The following ABCE1 variants were observed in gnomAD, a reference collection of about 807,000 sequenced individuals.
ABCE1 encodes the protein ATP-binding cassette sub-family E member 1.
In ABCE1, 22 loss-of-function variants were observed where a neutral mutation model predicts 83.4. That is an observed-to-expected ratio of 0.26 (90% confidence interval 0.19 to 0.38). The LOEUF is 0.38. Ranked by LOEUF, ABCE1 falls within the 10% of genes least tolerant of loss-of-function variation. The pLI, the probability that ABCE1 is intolerant of heterozygous loss-of-function variation, is 1.00. For missense variants in ABCE1, 330 were observed against 721.9 expected (o/e 0.46, Z 6.22); for synonymous variants, 204 against 233.7 (o/e 0.87, Z 1.16).
chr4:145,123,372 CCTA>C lies in ABCE1; in HGVS notation c.1517+16_1517+18del. The C allele has an allele frequency of 6.3e-7, 1 of 1,597,230 alleles. No homozygotes were observed. Among genetic ancestry groups the C allele is most frequent in the Non-Finnish European group, 8.5e-7 (1 of 1,169,884 alleles). ...GTTGTCAAACGGTAAATATCTTGCT[CCTA>C]GCCATATTTTGATTATGTATACTGT... On this transcript the variant is annotated intron_variant, in intron 15 of 17. Transcript: ENST00000296577.
intron 17 of ABCE1, among the ~76,000 whole-genome samples, chr4:145,125,759 T>A (rs1749863825): frequency 6.6e-6 from 1 of 152,202 alleles, no homozygotes; most frequent in Non-Finnish European, 1.5e-5. Flanking sequence ...TATTTTTCAA[T>A]ACATGATTAA....
chr4:145,107,448 G>A (rs1299881819), intron 3 of ABCE1, among the ~76,000 whole-genome samples: 1 of 152,086 alleles, frequency 6.6e-6, no homozygotes, highest in Non-Finnish European at 1.5e-5. Flanking sequence ...TTGTTGACTT[G>A]CCTCTTAGCC....
At chr4:145,115,759 G>C (rs1333490032) in intron 9 of ABCE1, among the ~76,000 whole-genome samples, 1 of 151,906 alleles carries the variant, frequency 6.6e-6, no homozygotes, top group African/African-American at 2.4e-5. Context: ...GTTCTGGACA[G>C]TGCTATTTCA....
intron 9 of ABCE1, among the ~76,000 whole-genome samples, chr4:145,113,948 T>C (rs35790990): frequency 4.3e-4 from 66 of 152,266 alleles, no homozygotes; most frequent in African/African-American, 1.5e-3. Flanking sequence ...ATGAGGAAAC[T>C]ATTTACATAT....
intron 3 of ABCE1, among the ~76,000 whole-genome samples, chr4:145,106,668 A>G (rs927179662): frequency 6.6e-6 from 1 of 152,082 alleles, no homozygotes; most frequent in African/African-American, 2.4e-5. Flanking sequence ...GAACACTAAG[A>G]TATTATAATG....
chr4:145,101,869 G>A (rs1749162896), intron 1 of ABCE1, among the ~76,000 whole-genome samples: 1 of 152,228 alleles, frequency 6.6e-6, no homozygotes, highest in Middle Eastern at 3.4e-3. Context: ...GGCAGGAAGG[G>A]TTCAAGAGAG....
At position 145,122,804 on chromosome 4, in the gene ABCE1, C is replaced by G. The variant is rs532496302; in HGVS notation, c.1264-217C>G. The G allele has an allele frequency of 1.8e-4, 76 of 421,006 alleles. No individual in the cohort carries two copies. In the South Asian group the frequency reaches 2.6e-3, roughly 14 times the overall value. The allele number at this position is 421,006 out of a possible 1,614,324, so 26.1% of individuals were successfully genotyped here. A position where few individuals can be genotyped will look rare whatever the true frequency, so the allele number is the denominator to read the frequency against. ...CCTGGGCAATGGAGCAAGACCCTGT[C>G]TCAAAAGAAAAAAAAAAATTCCTTT... On this transcript the variant is annotated intron_variant, in intron 13 of 17. Coordinates refer to ENST00000296577, the MANE Select transcript of ABCE1 (RefSeq NM_002940.3).
intron 2 of ABCE1, among the ~76,000 whole-genome samples, chr4:145,105,291 G>A (rs1053710442): frequency 6.6e-6 from 1 of 151,886 alleles, no homozygotes; most frequent in African/African-American, 2.4e-5. Context: ...AGGTTAATCA[G>A]CTTAAAAATA....
chr4:145,112,233 T>TC lies in ABCE1; in HGVS notation c.711-5dup, dbSNP rs1749499499. The stretch of plus-strand genomic sequence containing the variant: ...TATATTTGCTTTTTTTTTTTTTTTT[T>TC]CATAGTTTCATGTTTGATGAGCCTT... On this transcript the variant is annotated splice_polypyrimidine_tract_variant and splice_region_variant and intron_variant, in intron 8 of 17. Coordinates refer to ENST00000296577, the MANE Select transcript of ABCE1 (RefSeq NM_002940.3). 1 of 1,472,994 alleles carries TC rather than the reference T, an allele frequency of 6.8e-7. No individual in the cohort carries two copies. The highest frequency in any genetic ancestry group is 1.6e-5 in the African/African-American group (1 of 62,922). The allele number at this position is 1,472,994 out of a possible 1,614,324, so 91.2% of individuals were successfully genotyped here.
intron 17 of ABCE1, among the ~76,000 whole-genome samples, chr4:145,126,782 T>C: frequency 6.6e-6 from 1 of 152,324 alleles, no homozygotes. Context: ...GAGGCAAAGT[T>C]ATCTTGCACG....
chr4:145,111,519 G>A (rs894917703), intron 8 of ABCE1, among the ~76,000 whole-genome samples: 2 of 152,000 alleles, frequency 1.3e-5, no homozygotes, highest in African/African-American at 4.8e-5. Flanking sequence ...GTAGAGACGG[G>A]GTTTCACCAT....
chr4:145,099,683 C>T (rs1749069267), intron 1 of ABCE1, among the ~76,000 whole-genome samples: 2 of 152,038 alleles, frequency 1.3e-5, no homozygotes, highest in South Asian at 2.1e-4. Context: ...CTAACTTCTA[C>T]GTGTTTTGTA....
chr4:145,121,317 T>C lies in ABCE1; in HGVS notation c.1205-16T>C. Reference sequence around the variant, plus strand: ...TGGGCAGTTTTTAGTGTCTTATGTATTTCATTATTTTGCAGGAGAAGTACC... The same window carrying C: ...TGGGCAGTTTTTAGTGTCTTATGTACTTCATTATTTTGCAGGAGAAGTACC... On this transcript the variant is annotated splice_polypyrimidine_tract_variant and intron_variant, in intron 12 of 17. Transcript: ENST00000296577. The C allele has an allele frequency of 1.2e-6, 2 of 1,613,062 alleles. No homozygotes were observed. Among genetic ancestry groups the C allele is most frequent in the Non-Finnish European group, 1.7e-6 (2 of 1,179,326 alleles).
intron 11 of ABCE1, among the ~76,000 whole-genome samples, chr4:145,120,724 T>C (rs1238161269): frequency 6.6e-6 from 1 of 152,128 alleles, no homozygotes; most frequent in Non-Finnish European, 1.5e-5. Flanking sequence ...AAGATAAATT[T>C]TATATAAAGA....
At chr4:145,123,634 C>A in intron 16 of ABCE1, 34 bp downstream of exon 16, 1 of 1,535,270 alleles carries the variant, frequency 6.5e-7, no homozygotes, top group South Asian at 1.2e-5. Flanking sequence ...CAAAGTAATT[C>A]ATTTTAAATT....
At position 145,115,724 on chromosome 4, in the gene ABCE1, T is replaced by C. The variant is rs1238794139; in HGVS notation, c.801-1569T>C. ...GTCACTATATGGGACAACATAGAGA[T>C]AGAACATTTTCATAATTGTAGAAAG... is the stretch of plus-strand genomic sequence containing the variant. On this transcript the variant is annotated intron_variant, in intron 9 of 17. Transcript: ENST00000296577. 3.9e-5 allele frequency among the ~76,000 whole-genome samples: 6 copies of C among 151,940 alleles called. No individual in the cohort carries two copies. In the East Asian group the frequency reaches 1.2e-3, roughly 29 times the overall value.
intron 8 of ABCE1, 176 bp downstream of exon 8, chr4:145,111,240 T>G (rs1420563471): frequency 2.2e-6 from 1 of 449,746 alleles, no homozygotes; most frequent in African/African-American, 2.0e-5. Flanking sequence ...CCCTGTTATA[T>G]TCACAGGGGA....
chr4:145,116,896 G>A (rs955365117), intron 9 of ABCE1, among the ~76,000 whole-genome samples: 1 of 151,848 alleles, frequency 6.6e-6, no homozygotes, highest in African/African-American at 2.4e-5. Context: ...TCCTATCTTT[G>A]TGTATGCGTC....
chr4:145,123,012 TAA>T lies in ABCE1; in HGVS notation c.1264-5_1264-4del, dbSNP rs371876909. 1 of 1,533,702 alleles carries T rather than the reference TAA, an allele frequency of 6.5e-7. No homozygotes were observed. The highest frequency in any genetic ancestry group is 1.4e-5 in the African/African-American group (1 of 71,480). On this transcript the variant is annotated splice_polypyrimidine_tract_variant and splice_region_variant and intron_variant, in intron 13 of 17. Coordinates refer to ENST00000296577, the MANE Select transcript of ABCE1 (RefSeq NM_002940.3). The stretch of plus-strand genomic sequence containing the variant: ...TTATCATTTAAATACTTTTTTATAT[TAA>T]AAACAGGGAAGTGTTCGCCAGTTAC...
Sources: gnomAD v4.1 joint callset for allele counts (sites outside exome capture counted in the v4.1 genomes callset) on GRCh38, gnomAD v4.1.1 for gene constraint, MANE v1.5 for transcripts, NCBI Gene and HGNC (gene_info 2026-07-23, HGNC 2026-07-21) for gene names.